RASGRP3: variants seen among roughly 807,000 people sequenced by gnomAD.
RASGRP3 encodes RAS guanyl releasing protein 3.
Under a neutral mutation model 82.7 loss-of-function variants are expected in RASGRP3, and 54 were observed. The observed-to-expected ratio is 0.65, with a 90% CI of 0.52 to 0.82. The LOEUF is 0.82. Ranked by LOEUF, RASGRP3 falls within the 40% of genes least tolerant of loss-of-function variation. The probability of loss-of-function intolerance (pLI) is 0.00; values close to 1 mark genes in which losing one functional copy is unlikely to be tolerated. For synonymous variants in RASGRP3, 309 were observed against 300.5 expected (o/e 1.03, Z -0.29); for missense variants, 861 against 828.9 (o/e 1.04, Z -0.48).
chr2:33,465,497 T>G (rs1666644826), intron 2 of RASGRP3, among the ~76,000 whole-genome samples: 2 of 152,198 alleles, frequency 1.3e-5, no homozygotes. Flanking sequence ...CACTCCAGCC[T>G]GGGCAACAGA....
At position 33,452,720 on chromosome 2, in the gene RASGRP3, C is replaced by A. The variant is rs191290904; in HGVS notation, c.-261+4777C>A. On this transcript the variant is annotated intron_variant, in intron 2 of 18. Coordinates refer to the RASGRP3 transcript ENST00000402538. Reference sequence around the variant, plus strand: ...GGGACTTGCCTAAAGCCTGTGTCTGCAGGGGTTGGCCTAGAGGTTGAGCTG... The same window carrying A: ...GGGACTTGCCTAAAGCCTGTGTCTGAAGGGGTTGGCCTAGAGGTTGAGCTG... 5.3e-5 allele frequency among the ~76,000 whole-genome samples: 8 copies of A among 152,358 alleles called. No homozygotes were observed. The East Asian group carries it at 1.3e-3, about 26-fold the overall frequency.
rs1057111829 is a variant in RASGRP3 at position 33,515,089 on chromosome 2, A to G, written c.-48A>G. On this transcript the variant is annotated 5_prime_UTR_variant, in exon 3 of 18. Transcript: ENST00000403687. ...ACTTGCATGATTATGGAGATGGTCTATCTGATGCTGAAAATGTCTCTAGTT... is the reference window on the plus strand; with the variant it reads ...ACTTGCATGATTATGGAGATGGTCTGTCTGATGCTGAAAATGTCTCTAGTT... 6 of 1,564,724 alleles carry G rather than the reference A, an allele frequency of 3.8e-6. No homozygotes were observed. Among genetic ancestry groups the G allele is most frequent in the Non-Finnish European group, 5.3e-6 (6 of 1,135,264 alleles).
chr2:33,520,493 G>A (rs898541373), intron 5 of RASGRP3, 60 bp from the exon 6 acceptor site: 76 of 1,599,310 alleles, frequency 4.8e-5, no homozygotes, highest in East Asian at 4.7e-4. Flanking sequence ...CGGTACAATC[G>A]TTTCCATAGA....
At chr2:33,488,147 C>A (rs1180619400) in intron 1 of RASGRP3, among the ~76,000 whole-genome samples, 2 of 152,140 alleles carry the variant, frequency 1.3e-5, no homozygotes, top group African/African-American at 2.4e-5. Context: ...TCTTGATTTT[C>A]AAAAGTTGTT....
chr2:33,559,173 TTGCCAC>T, intron 17 of RASGRP3, 143 bp downstream of exon 17: 1 of 670,830 alleles, frequency 1.5e-6, no homozygotes, highest in Non-Finnish European at 2.5e-6. Flanking sequence ...ACTTTTAGTC[TTGCCAC>T]TGCCTAGCTA....
intron 11 of RASGRP3, among the ~76,000 whole-genome samples, chr2:33,538,101 C>T (rs747089991): frequency 1.3e-5 from 2 of 152,204 alleles, no homozygotes; most frequent in Non-Finnish European, 2.9e-5. Context: ...TCCTGTATTA[C>T]ACAAAAATCC....
chr2:33,507,714 T>C (rs539675655), intron 1 of RASGRP3, among the ~76,000 whole-genome samples: 5 of 152,098 alleles, frequency 3.3e-5, no homozygotes, highest in East Asian at 3.9e-4. Flanking sequence ...TTATTAGAGA[T>C]GGGGTTTCAC....
intron 1 of RASGRP3, among the ~76,000 whole-genome samples, chr2:33,477,347 C>A (rs970481270): frequency 6.6e-5 from 10 of 152,098 alleles, no homozygotes; most frequent in African/African-American, 2.4e-4. Context: ...ACTTTTTTTC[C>A]CCCCAACAAG....
chr2:33,485,800 T>C (rs568989656), intron 1 of RASGRP3, among the ~76,000 whole-genome samples: 12 of 152,332 alleles, frequency 7.9e-5, no homozygotes, highest in Admixed American at 5.2e-4. Flanking sequence ...TCTTTGGAAT[T>C]TGCGGGAACT....
rs1676953749 is a variant in RASGRP3 at position 33,563,803 on chromosome 2, T to TAACA, written c.*1067_*1070dup. The TAACA allele has an allele frequency of 6.6e-6, 1 of 152,336 alleles. No homozygotes were observed. Among genetic ancestry groups the TAACA allele is most frequent in the South Asian group, 2.1e-4 (1 of 4,828 alleles). 9.4% of individuals were successfully genotyped at this position (152,336 alleles called of 1,614,324 possible). A position where few individuals can be genotyped will look rare whatever the true frequency, so the allele number is the denominator to read the frequency against. Reference sequence around the variant, plus strand: ...AAAATAATCATAAATCATATTTGATTAACATTTCATTTAAGCTTTTAAAAT... The same window carrying TAACA: ...AAAATAATCATAAATCATATTTGATTAACAAACATTTCATTTAAGCTTTTAAAAT... On this transcript the variant is annotated 3_prime_UTR_variant, in exon 18 of 18. Transcript: ENST00000403687.
At position 33,558,763 on chromosome 2, in the gene RASGRP3, C is replaced by A; in HGVS notation, c.1797C>A (p.Arg599=). 1 of 1,613,976 alleles carries A rather than the reference C, an allele frequency of 6.2e-7. No individual in the cohort carries two copies. The highest frequency in any genetic ancestry group is 8.5e-7 in the Non-Finnish European group (1 of 1,179,894). Residue 599 remains arginine, a synonymous_variant, in exon 17 of 18, where the codon CGC becomes CGA. Transcript: ENST00000403687. ...RAITLVTGSS[R]KISVRLQRAT... is the part of the protein sequence containing the mutation. ...TCACACTGGTTACAGGCTCTTCTCG[C>A]AAGATCTCTGTGAGGCTACAGAGGG...
chr2:33,564,239 G>T lies in RASGRP3; in HGVS notation c.*1502G>T, dbSNP rs2151134295. ...GACAGCCCATGGGCATTAAGGCAAA[G>T]TAGTTCCAGTGATTTAAAATACGGT... On this transcript the variant is annotated 3_prime_UTR_variant, in exon 18 of 18. Transcript: ENST00000403687. The T allele has an allele frequency of 6.6e-6, 1 of 152,310 alleles. No individual in the cohort carries two copies. Among genetic ancestry groups the T allele is most frequent in the East Asian group, 1.9e-4 (1 of 5,186 alleles). The allele number at this position is 152,310 out of a possible 1,614,324, so 9.4% of individuals were successfully genotyped here.
chr2:33,491,621 T>TG (rs1668851900), intron 1 of RASGRP3, among the ~76,000 whole-genome samples: 1 of 152,154 alleles, frequency 6.6e-6, no homozygotes, highest in Non-Finnish European at 1.5e-5. Flanking sequence ...ATCAGTTTCC[T>TG]TAGTCTGGAG....
intron 2 of RASGRP3, among the ~76,000 whole-genome samples, chr2:33,462,119 T>TA (rs2150900446): frequency 6.6e-6 from 1 of 152,312 alleles, no homozygotes; most frequent in South Asian, 2.1e-4. Context: ...AACATGGCTA[T>TA]TTTATAATTA....
upstream of RASGRP3, among the ~76,000 whole-genome samples, chr2:33,471,972 A>G (rs1375723457): frequency 1.3e-5 from 2 of 152,102 alleles, no homozygotes; most frequent in South Asian, 2.1e-4. Context: ...TAATTAATGT[A>G]TAGTTTTATT....
At chr2:33,549,319 G>T (rs1277884747) in intron 13 of RASGRP3, among the ~76,000 whole-genome samples, 2 of 144,642 alleles carry the variant, frequency 1.4e-5, no homozygotes, top group Non-Finnish European at 3.1e-5. Flanking sequence ...AAGACTTTCT[G>T]TGCTGCGGTG....
Position 33,495,672 on chromosome 2 carries a change from G to T in RASGRP3, c.-260-16038G>T, listed in dbSNP as rs187297519. 2.2e-3 allele frequency among the ~76,000 whole-genome samples: 331 copies of T among 152,318 alleles called. 4 individuals carry two copies. The highest frequency in any genetic ancestry group is 0.02 in the Middle Eastern group (6 of 294). On this transcript the variant is annotated intron_variant, in intron 1 of 17. Coordinates refer to ENST00000403687, the MANE Select transcript of RASGRP3 (RefSeq NM_001139488.2). ...TCTGGGAGGCTGAGGCAGAAGGACT[G>T]CTTGAGCCCAGGAATCTGAGACCAG...
chr2:33,466,288 T>C (rs1240592739), intron 2 of RASGRP3, among the ~76,000 whole-genome samples: 1 of 152,234 alleles, frequency 6.6e-6, no homozygotes, highest in Non-Finnish European at 1.5e-5. Context: ...ATTAGGAACA[T>C]TCGTGATTCA....
intron 2 of RASGRP3, chr2:33,513,791 A>G (rs1487870116): frequency 6.6e-6 from 1 of 152,252 alleles, no homozygotes; most frequent in African/African-American, 2.4e-5. Flanking sequence ...GGCAAGTGGG[A>G]TAGCTCTCAT....
Sources: gnomAD v4.1 joint callset for allele counts (sites outside exome capture counted in the v4.1 genomes callset) on GRCh38, gnomAD v4.1.1 for gene constraint, MANE v1.5 for transcripts, NCBI Gene and HGNC (gene_info 2026-07-23, HGNC 2026-07-21) for gene names.